The following ATP10B variants were observed in gnomAD, a reference collection of about 807,000 sequenced individuals.
ATP10B encodes ATPase phospholipid transporting 10B (putative).
ATP10B carries 122 observed loss-of-function variants against 141.2 expected under a neutral mutation model. The ratio of observed to expected loss-of-function variants is 0.86; its 90% CI spans 0.75 to 1.00. The LOEUF is 1.00. Ranked by LOEUF, ATP10B falls within the 50% of genes least tolerant of loss-of-function variation. The pLI, the probability that ATP10B is intolerant of heterozygous loss-of-function variation, is 0.00. For synonymous variants in ATP10B, 685 were observed against 692.0 expected (o/e 0.99, Z 0.16); for missense variants, 1,876 against 1,825.3 (o/e 1.03, Z -0.51).
At chr5:160,851,197 C>T (rs1342569031) in intron 1 of ATP10B, among the ~76,000 whole-genome samples, 1 of 152,160 alleles carries the variant, frequency 6.6e-6, no homozygotes, top group Non-Finnish European at 1.5e-5. Flanking sequence ...AAACCAAGTT[C>T]CACCAGACAC....
intron 7 of ATP10B, among the ~76,000 whole-genome samples, chr5:160,661,318 G>T (rs1056107409): frequency 9.9e-5 from 15 of 152,130 alleles, no homozygotes; most frequent in African/African-American, 3.1e-4. Context: ...CAGAATAAAA[G>T]AGATTAAAGA....
the ATP10B span, among the ~76,000 whole-genome samples, chr5:160,911,632 G>A: frequency 6.6e-6 from 1 of 152,276 alleles, no homozygotes; most frequent in South Asian, 2.1e-4. Context: ...TTGATAGCCT[G>A]TGAAATTAAA....
chr5:160,917,660 G>A, the ATP10B span, among the ~76,000 whole-genome samples: 1 of 152,150 alleles, frequency 6.6e-6, no homozygotes, highest in South Asian at 2.1e-4. Flanking sequence ...CTTGGATAGG[G>A]GAGGAAGATA....
intron 12 of ATP10B, chr5:160,632,635 T>C (rs1759020224): frequency 3.0e-6 from 1 of 329,610 alleles, no homozygotes; most frequent in African/African-American, 2.2e-5. Context: ...TTTTTTTTTT[T>C]TTTTTTTAGG....
chr5:160,602,816 C>A, intron 20 of ATP10B, 114 bp from the exon 21 acceptor site: 2 of 1,443,488 alleles, frequency 1.4e-6, no homozygotes, highest in Non-Finnish European at 9.4e-7. Context: ...GTCCTAAAGA[C>A]CCCTTGTTGT....
the ATP10B span, among the ~76,000 whole-genome samples, chr5:160,904,045 A>C: frequency 6.6e-6 from 1 of 152,142 alleles, no homozygotes; most frequent in Admixed American, 6.5e-5. Flanking sequence ...AGCCCACCTG[A>C]GGGGGCTTCC....
At chr5:160,718,001 G>T (rs1765761801) in intron 2 of ATP10B, among the ~76,000 whole-genome samples, 1 of 152,198 alleles carries the variant, frequency 6.6e-6, no homozygotes. Flanking sequence ...GGGCCACAGA[G>T]GGCCAGCCAG....
At chr5:160,659,380 T>C (rs1761741174) in intron 7 of ATP10B, among the ~76,000 whole-genome samples, 3 of 151,872 alleles carry the variant, frequency 2.0e-5, no homozygotes, top group Admixed American at 2.0e-4. Context: ...CAGGAGAATC[T>C]TTTGAACCCA....
At chr5:160,614,654 G>C (rs778463056) in intron 17 of ATP10B, 2 of 152,372 alleles carry the variant, frequency 1.3e-5, no homozygotes, top group Non-Finnish European at 2.9e-5. Context: ...AGGATGTGGG[G>C]AGCTAATGCA....
At chr5:160,747,367 G>T (rs1767875872) in intron 2 of ATP10B, among the ~76,000 whole-genome samples, 1 of 152,152 alleles carries the variant, frequency 6.6e-6, no homozygotes, top group Non-Finnish European at 1.5e-5. Flanking sequence ...CCTGGCGTGG[G>T]TTGAATCCTG....
chr5:160,743,158 C>A (rs1767589820), intron 2 of ATP10B, among the ~76,000 whole-genome samples: 1 of 152,110 alleles, frequency 6.6e-6, no homozygotes, highest in African/African-American at 2.4e-5. Flanking sequence ...AAAACTGAAG[C>A]AGAGAGTTTC....
chr5:160,567,885 G>C (rs1472009355), intron 25 of ATP10B, among the ~76,000 whole-genome samples: 8 of 152,170 alleles, frequency 5.3e-5, no homozygotes, highest in Non-Finnish European at 8.8e-5. Context: ...AAATAATTTG[G>C]GGTGAAAGGG....
At chr5:160,880,147 AAT>A in the ATP10B span, among the ~76,000 whole-genome samples, 3 of 147,548 alleles carry the variant, frequency 2.0e-5, no homozygotes, top group Admixed American at 1.4e-4. Context: ...TAGATTACAT[AAT>A]ATATATAAAA....
intron 2 of ATP10B, among the ~76,000 whole-genome samples, chr5:160,746,321 T>C (rs1260747694): frequency 1.3e-5 from 2 of 152,186 alleles, no homozygotes; most frequent in Non-Finnish European, 2.9e-5. Flanking sequence ...GCAGGCACTT[T>C]CCAGTGGCTT....
chr5:160,759,855 G>A (rs115768924), intron 2 of ATP10B, among the ~76,000 whole-genome samples: 2,398 of 152,230 alleles, frequency 0.016, 61 homozygotes, highest in African/African-American at 0.055. Context: ...TCTATTTCCT[G>A]TTTCAATATA....
intron 6 of ATP10B, among the ~76,000 whole-genome samples, chr5:160,683,744 C>A (rs546576189): frequency 6.6e-6 from 1 of 152,318 alleles, no homozygotes; most frequent in East Asian, 1.9e-4. Flanking sequence ...GAGACTCCAT[C>A]ATCTTAGGCT....
At position 160,719,362 on chromosome 5, in the gene ATP10B, T is replaced by A. The variant is rs181954669; in HGVS notation, c.-330-2328A>T. On this transcript the variant is annotated intron_variant, in intron 2 of 25. Transcript: ENST00000327245. ...TTGCAGTAAGCCGAGATCGCGCCGT[T>A]GCACTCTGGCCTGGGCAACAGAGGG... 5.3e-5 allele frequency among the ~76,000 whole-genome samples: 8 copies of A among 152,322 alleles called. No individual in the cohort carries two copies. In the East Asian group the frequency reaches 1.4e-3, roughly 26 times the overall value.
the ATP10B span, among the ~76,000 whole-genome samples, chr5:160,928,652 C>G: frequency 6.6e-6 from 1 of 152,190 alleles, no homozygotes; most frequent in East Asian, 1.9e-4. Context: ...CTTTGCAAAT[C>G]ATAAGGCTTC....
In ATP10B at chr5:160,620,813, G is replaced by T. The variant is rs947950162; in HGVS notation, c.1950C>A (p.Ser650Arg). Residue 650 changes from serine (S) to arginine (R), a missense_variant, in exon 15 of 26, where the codon AGC (serine) becomes AGA (arginine). Ser to Arg is a moderately radical substitution (Grantham distance 110). Transcript: ENST00000327245. ...TAPSDTDLGE[S>R]LGANVATTDS... ...CTGTGGTGGCCACGTTGGCCCCTAA[G>T]CTCTCCCCGAGGTCTGTGTCAGAGG... 5.0e-6 allele frequency: 8 copies of T among 1,614,204 alleles called. No homozygotes were observed. The highest frequency in any genetic ancestry group is 6.8e-6 in the Non-Finnish European group (8 of 1,180,042).
Sources: allele counts gnomAD v4.1 joint callset (sites outside exome capture counted in the v4.1 genomes callset), GRCh38; gene constraint gnomAD v4.1.1; transcripts MANE v1.5; gene names NCBI Gene and HGNC (gene_info 2026-07-23, HGNC 2026-07-21).